Variants in EYS observed in about 807,000 individuals in gnomAD.
EYS encodes protein eyes shut homolog.
Under a neutral mutation model 282.1 loss-of-function variants are expected in EYS, and 250 were observed. The observed-to-expected ratio is 0.89, with a 90% CI of 0.80 to 0.98. The LOEUF (loss-of-function observed/expected upper bound fraction) is 0.98. Among genes scored for constraint, EYS ranks in the 50% least tolerant of loss-of-function variants. The pLI is 0.00. For missense variants in EYS, 4,016 were observed against 3,709.0 expected (o/e 1.08, Z -2.15); for synonymous variants, 1,355 against 1,282.9 (o/e 1.06, Z -1.20).
intron 26 of EYS, among the ~76,000 whole-genome samples, chr6:64,457,520 T>A (rs1332803641): frequency 6.6e-6 from 1 of 152,046 alleles, no homozygotes; most frequent in Non-Finnish European, 1.5e-5. Flanking sequence ...TCTATTGATA[T>A]TTTCTTTATG....
chr6:65,543,295 C>T (rs1347171929), intron 2 of EYS, among the ~76,000 whole-genome samples: 1 of 151,470 alleles, frequency 6.6e-6, no homozygotes, highest in Non-Finnish European at 1.5e-5. Flanking sequence ...TGAGCCACTG[C>T]ACACAGTCAG....
intron 22 of EYS, among the ~76,000 whole-genome samples, chr6:64,800,214 C>G (rs1281951111): frequency 1.3e-5 from 2 of 152,018 alleles, no homozygotes; most frequent in African/African-American, 4.8e-5. Flanking sequence ...ATGCCCTGAC[C>G]TGTGGAGATA....
intron 12 of EYS, among the ~76,000 whole-genome samples, chr6:65,184,514 T>G (rs1765470407): frequency 1.3e-5 from 2 of 151,658 alleles, no homozygotes; most frequent in South Asian, 4.2e-4. Context: ...AACCATAGCA[T>G]GATTCAAACA....
At chr6:64,429,268 T>G (rs1426231780) in intron 28 of EYS, among the ~76,000 whole-genome samples, 1 of 152,142 alleles carries the variant, frequency 6.6e-6, no homozygotes, top group Non-Finnish European at 1.5e-5. Context: ...TTTAAATTAT[T>G]TTGTGTTTAA....
intron 31 of EYS, among the ~76,000 whole-genome samples, chr6:64,107,660 T>G (rs1356275148): frequency 6.6e-6 from 1 of 152,070 alleles, no homozygotes; most frequent in Admixed American, 6.6e-5. Context: ...TATCCTTAAA[T>G]CCAATCAAGT....
rs1773350008 is a variant in EYS, at chr6:64,766,644, A to AAC, written c.3443+46733_3443+46734insGT. ...GAAACTCCGTCTCAAAAAAAAAAAA[A>AAC]AAAAAATATATATATATATATATAT... On this transcript the variant is annotated intron_variant, in intron 22 of 42. Coordinates refer to ENST00000503581, the MANE Select transcript of EYS (RefSeq NM_001142800.2). Among the ~76,000 whole-genome samples the AAC allele has an allele frequency of 5.9e-4, 16 of 27,128 alleles. 1 individual carries two copies. The highest frequency in any genetic ancestry group is 1.6e-3 in the East Asian group (1 of 630). 17.8% of individuals were successfully genotyped at this position (27,128 alleles called of 152,430 possible).
At chr6:64,590,183 C>T in intron 26 of EYS, 40 bp downstream of exon 26, 1 of 1,461,822 alleles carries the variant, frequency 6.8e-7, no homozygotes, top group South Asian at 1.4e-5. Context: ...AAAAGAAACT[C>T]ATTTCTAAAA....
At chr6:65,183,934 A>C (rs1765454028) in intron 12 of EYS, among the ~76,000 whole-genome samples, 1 of 151,916 alleles carries the variant, frequency 6.6e-6, no homozygotes. Context: ...GTGTGTCTAT[A>C]CTGCACTTCA....
chr6:64,440,163 A>T lies in EYS; in HGVS notation c.5645-811T>A, dbSNP rs919463036. ...AAAACTTTCGAATTATGTATTATTTATAACTACTAGAAAATATTATTTATA... is the reference window on the plus strand; with the variant it reads ...AAAACTTTCGAATTATGTATTATTTTTAACTACTAGAAAATATTATTTATA... On this transcript the variant is annotated intron_variant, in intron 26 of 42. Coordinates refer to ENST00000503581, the MANE Select transcript of EYS (RefSeq NM_001142800.2). 2.6e-5 allele frequency among the ~76,000 whole-genome samples: 4 copies of T among 152,020 alleles called. 1 individual carries two copies. The South Asian group carries it at 8.3e-4, about 31-fold the overall frequency.
At chr6:63,756,099 T>C (rs1769474290) in intron 41 of EYS, among the ~76,000 whole-genome samples, 1 of 152,224 alleles carries the variant, frequency 6.6e-6, no homozygotes, top group South Asian at 2.1e-4. Context: ...ACTTCCTCTT[T>C]TCCTAATTGA....
chr6:64,448,324 T>G (rs757939693), intron 26 of EYS, among the ~76,000 whole-genome samples: 15 of 152,226 alleles, frequency 9.9e-5, no homozygotes, highest in Admixed American at 3.3e-4. Context: ...CGCCAGCCAT[T>G]GCTTGGGCTT....
intron 30 of EYS, among the ~76,000 whole-genome samples, chr6:64,261,650 T>G (rs995623058): frequency 6.6e-6 from 1 of 152,068 alleles, no homozygotes; most frequent in Non-Finnish European, 1.5e-5. Context: ...CAAGTACTGT[T>G]TTTCTAGGAC....
chr6:65,363,994 G>T (rs1464270839), intron 8 of EYS, among the ~76,000 whole-genome samples: 2 of 150,038 alleles, frequency 1.3e-5, no homozygotes, highest in Non-Finnish European at 3.0e-5. Flanking sequence ...TTAATTATTG[G>T]GGCTTTATAA....
intron 2 of EYS, among the ~76,000 whole-genome samples, chr6:65,559,122 T>A (rs1768932114): frequency 6.6e-6 from 1 of 152,086 alleles, no homozygotes; most frequent in Admixed American, 6.5e-5. Flanking sequence ...ATCCCAACAC[T>A]TTGAGAGGCT....
chr6:64,187,469 C>T (rs1188785958), intron 31 of EYS, among the ~76,000 whole-genome samples: 1 of 151,818 alleles, frequency 6.6e-6, no homozygotes, highest in Non-Finnish European at 1.5e-5. Flanking sequence ...ATTTGAAATA[C>T]AAACTTCAAA....
At chr6:63,809,616 G>A (rs1352456057) in intron 36 of EYS, among the ~76,000 whole-genome samples, 1 of 152,062 alleles carries the variant, frequency 6.6e-6, no homozygotes, top group Non-Finnish European at 1.5e-5. Flanking sequence ...GTGTGTAGAA[G>A]AAGAAAGCAA....
intron 29 of EYS, among the ~76,000 whole-genome samples, chr6:64,369,696 G>A (rs1300735616): frequency 6.6e-6 from 1 of 151,976 alleles, no homozygotes; most frequent in Admixed American, 6.6e-5. Context: ...CCTGTTTGCA[G>A]ACAATAGGAT....
intron 12 of EYS, among the ~76,000 whole-genome samples, chr6:65,226,922 A>ATT (rs751337786): frequency 7.9e-5 from 12 of 152,274 alleles, no homozygotes; most frequent in Non-Finnish European, 1.6e-4. Context: ...CAAACAATGG[A>ATT]ATATTATTCA....
chr6:65,379,929 C>T (rs569877975), intron 8 of EYS, among the ~76,000 whole-genome samples: 9 of 151,966 alleles, frequency 5.9e-5, no homozygotes, highest in Middle Eastern at 6.8e-3. Flanking sequence ...AGGACCTCTT[C>T]AAGGAGAACT....
Sources: allele counts gnomAD v4.1 joint callset (sites outside exome capture counted in the v4.1 genomes callset), GRCh38; gene constraint gnomAD v4.1.1; transcripts MANE v1.5; gene names NCBI Gene and HGNC (gene_info 2026-07-23, HGNC 2026-07-21).